Variants in PLCB4 observed in about 807,000 individuals in gnomAD.
PLCB4 encodes phospholipase C beta 4, also known as 1-phosphatidylinositol 4,5-bisphosphate phosphodiesterase beta-4.
In PLCB4, 77 loss-of-function variants were observed where a neutral mutation model predicts 178.8. The observed-to-expected ratio is 0.43, with a 90% CI of 0.36 to 0.52. The LOEUF (loss-of-function observed/expected upper bound fraction) is 0.52, where lower values mean the gene tolerates loss of function less well. Among genes scored for constraint, PLCB4 ranks in the 20% least tolerant of loss-of-function variants. PLCB4 has a pLI of 0.00. For missense variants in PLCB4, 1,024 were observed against 1,453.4 expected, an observed-to-expected ratio of 0.70 and a Z score of 4.80; for synonymous variants, 496 against 490.8, an observed-to-expected ratio of 1.01 and a Z score of -0.14.
intron 1 of PLCB4, among the ~76,000 whole-genome samples, chr20:9,090,479 A>C (rs899315537): frequency 6.6e-6 from 1 of 151,618 alleles, no homozygotes; most frequent in African/African-American, 2.4e-5. Context: ...AACTATCCCA[A>C]AATAAGTTTG....
At chr20:9,374,368 C>T (rs1173691403) in intron 12 of PLCB4, among the ~76,000 whole-genome samples, 1 of 152,204 alleles carries the variant, frequency 6.6e-6, no homozygotes, top group Non-Finnish European at 1.5e-5. Flanking sequence ...ATACTATCCA[C>T]GTTCTTATGC....
chr20:9,341,060 C>A (rs955632060), intron 7 of PLCB4, among the ~76,000 whole-genome samples: 1 of 152,072 alleles, frequency 6.6e-6, no homozygotes, highest in Admixed American at 6.6e-5. Flanking sequence ...AACCTAAAAC[C>A]AGGTCTTCTC....
chr20:9,315,458 G>A (rs1385883434), intron 4 of PLCB4, among the ~76,000 whole-genome samples: 1 of 152,150 alleles, frequency 6.6e-6, no homozygotes, highest in East Asian at 1.9e-4. Flanking sequence ...AAACCAATAA[G>A]CATAGAAATG....
chr20:9,189,529 A>G (rs1433315735), intron 2 of PLCB4, among the ~76,000 whole-genome samples: 1 of 152,184 alleles, frequency 6.6e-6, no homozygotes, highest in East Asian at 1.9e-4. Context: ...GAGGGCTGTC[A>G]TATGCACTGT....
intron 2 of PLCB4, among the ~76,000 whole-genome samples, chr20:9,150,751 G>A (rs554665695): frequency 2.6e-5 from 4 of 152,254 alleles, no homozygotes; most frequent in South Asian, 2.1e-4. Context: ...GATTCACTGC[G>A]AGCCTAGGCT....
chr20:9,168,545 TGTGG>T (rs1389352261), intron 2 of PLCB4, among the ~76,000 whole-genome samples: 1 of 152,194 alleles, frequency 6.6e-6, no homozygotes, highest in Admixed American at 6.5e-5. Flanking sequence ...CCACAGCAGG[TGTGG>T]GGTGATGAGG....
intron 3 of PLCB4, among the ~76,000 whole-genome samples, chr20:9,262,569 T>G (rs1259392494): frequency 6.6e-6 from 1 of 151,762 alleles, no homozygotes; most frequent in Non-Finnish European, 1.5e-5. Context: ...AATAGAGGAG[T>G]TTGAAGAGTT....
Position 9,405,334 on chromosome 20 carries a change from GA to G in PLCB4, c.1637del (p.Asn546ThrfsTer9). On this transcript the variant is annotated frameshift_variant, in exon 21 of 40. Coordinates refer to ENST00000378473, the MANE Select transcript of PLCB4 (RefSeq NM_001377142.1). LOFTEE classifies it high-confidence loss of function. Reference sequence around the variant, plus strand: ...TTAGGCTTCAGATGACCTTGAACATGAAAACAACAAAAAGGTAACAAAATAA... The same window carrying G: ...TTAGGCTTCAGATGACCTTGAACATGAAACAACAAAAAGGTAACAAAATAA... ...VKKASDDLEH[E>X]NNKKGLVTVE... 1 of 1,545,792 alleles carries G rather than the reference GA, an allele frequency of 6.5e-7. No individual in the cohort carries two copies. The highest frequency in any genetic ancestry group is 1.9e-5 in the Admixed American group (1 of 52,706).
At chr20:9,340,985 T>C (rs1055648907) in intron 7 of PLCB4, among the ~76,000 whole-genome samples, 1 of 151,984 alleles carries the variant, frequency 6.6e-6, no homozygotes. Flanking sequence ...ATTTTTCAGA[T>C]GAGAAAAATG....
chr20:9,318,861 G>T (rs1441339631), intron 4 of PLCB4, among the ~76,000 whole-genome samples: 1 of 152,206 alleles, frequency 6.6e-6, no homozygotes. Flanking sequence ...AAATTACAGT[G>T]CTGATTCTCT....
chr20:9,391,564 A>G (rs558552515), intron 17 of PLCB4, among the ~76,000 whole-genome samples: 2 of 152,332 alleles, frequency 1.3e-5, no homozygotes, highest in Admixed American at 1.3e-4. Flanking sequence ...CTGAAAAAAA[A>G]TATGAGAGAC....
intron 1 of PLCB4, among the ~76,000 whole-genome samples, chr20:9,075,013 A>G (rs904613873): frequency 2.0e-5 from 3 of 152,092 alleles, no homozygotes; most frequent in Non-Finnish European, 4.4e-5. Context: ...CAACAACAAA[A>G]TAAAACAACA....
At chr20:9,215,585 G>A (rs1271554000) in intron 2 of PLCB4, among the ~76,000 whole-genome samples, 1 of 152,098 alleles carries the variant, frequency 6.6e-6, no homozygotes, top group Non-Finnish European at 1.5e-5. Context: ...TATTTGAAGT[G>A]GGATGTTGCT....
chr20:9,277,540 T>G (rs2094460502), intron 3 of PLCB4, among the ~76,000 whole-genome samples: 1 of 152,022 alleles, frequency 6.6e-6, no homozygotes, highest in Admixed American at 6.6e-5. Context: ...CCTGCAGTAG[T>G]CTAATTACCA....
chr20:9,163,345 G>A (rs2092919854), intron 2 of PLCB4, among the ~76,000 whole-genome samples: 1 of 152,134 alleles, frequency 6.6e-6, no homozygotes, highest in Non-Finnish European at 1.5e-5. Context: ...AAGAATATCT[G>A]CCAAATTTGG....
chr20:9,450,414 C>T (rs1302407091), intron 32 of PLCB4, among the ~76,000 whole-genome samples: 1 of 152,100 alleles, frequency 6.6e-6, no homozygotes, highest in Non-Finnish European at 1.5e-5. Flanking sequence ...ATCAAGTTAT[C>T]CCAAAACACT....
At chr20:9,350,061 C>T (rs993500350) in intron 7 of PLCB4, among the ~76,000 whole-genome samples, 3 of 152,012 alleles carry the variant, frequency 2.0e-5, no homozygotes, top group African/African-American at 7.2e-5. Context: ...CAGGTGCAGG[C>T]CATGGGCTGA....
chr20:9,218,143 C>A (rs1168587469), intron 3 of PLCB4, among the ~76,000 whole-genome samples: 1 of 152,170 alleles, frequency 6.6e-6, no homozygotes, highest in East Asian at 1.9e-4. Flanking sequence ...GGAATTCTCG[C>A]TCTGTCACCC....
intron 3 of PLCB4, among the ~76,000 whole-genome samples, chr20:9,285,888 A>G (rs1004095244): frequency 4.6e-5 from 7 of 151,994 alleles, no homozygotes; most frequent in Non-Finnish European, 7.4e-5. Context: ...GTCCATGTCT[A>G]TTGTGAAATA....
Sources: gnomAD v4.1 joint callset for allele counts (sites outside exome capture counted in the v4.1 genomes callset) on GRCh38, gnomAD v4.1.1 for gene constraint, MANE v1.5 for transcripts, NCBI Gene and HGNC (gene_info 2026-07-23, HGNC 2026-07-21) for gene names.